The following PWWP3B variants were observed in gnomAD, a reference collection of about 807,000 sequenced individuals.
PWWP3B encodes the protein PWWP domain-containing DNA repair factor 3B.
A neutral mutation model predicts 15.7 loss-of-function variants in PWWP3B; 5 were observed. That is an observed-to-expected ratio of 0.32 (90% CI 0.17 to 0.67). The LOEUF (loss-of-function observed/expected upper bound fraction) is 0.67, where lower values mean the gene tolerates loss of function less well. Ranked by LOEUF, PWWP3B falls within the 30% of genes least tolerant of loss-of-function variation. The pLI is 0.74. For synonymous variants in PWWP3B, 203 were observed against 179.8 expected (o/e 1.13, Z -1.03); for missense variants, 519 against 493.1 (o/e 1.05, Z -0.50).
chrX:106,182,901 A>T (rs1922292300), intron 2 of PWWP3B, among the ~76,000 whole-genome samples: 2 of 111,452 alleles, frequency 1.8e-5, no homozygotes, highest in African/African-American at 6.5e-5. Context: ...TTTCCTCAGG[A>T]TCAGCAGGAG....
At chrX:106,193,936 TG>T (rs1164876193) in intron 2 of PWWP3B, among the ~76,000 whole-genome samples, 1 of 112,251 alleles carries the variant, frequency 8.9e-6, no homozygotes, top group Non-Finnish European at 1.9e-5. Context: ...CTTCCCTTTG[TG>T]GGTAACCTCA....
chrX:106,190,173 G>A (rs911033126), intron 2 of PWWP3B, among the ~76,000 whole-genome samples: 1 of 111,424 alleles, frequency 9.0e-6, no homozygotes, highest in African/African-American at 3.3e-5. Flanking sequence ...GTGTAAAAGT[G>A]TTCCTATTTC....
chrX:106,181,214 G>A (rs920869824), intron 2 of PWWP3B, among the ~76,000 whole-genome samples: 2 of 111,903 alleles, frequency 1.8e-5, no homozygotes, highest in Non-Finnish European at 3.8e-5. Context: ...AGAGTGAGCA[G>A]CAGCAAGACT....
intron 2 of PWWP3B, among the ~76,000 whole-genome samples, chrX:106,181,720 C>T (rs1202044191): frequency 9.0e-6 from 1 of 111,433 alleles, no homozygotes; most frequent in East Asian, 2.8e-4. Context: ...GTTGTAGTGT[C>T]CTCCAGAGGG....
chrX:106,206,453 C>T lies in PWWP3B; in HGVS notation c.1021C>T (p.Gln341Ter). The change falls in exon 4 of 4, where the codon CAG becomes TAG. Residue 341 changes from glutamine to a stop codon, truncating the protein, a stop_gained. Transcript: ENST00000357175. LOFTEE classifies it high-confidence loss of function. The part of the protein sequence containing the change: ...SHLMSSERNF[Q>*]RLDFEELEEE... The stretch of plus-strand genomic sequence containing the variant: ...TCTTATGAGTAGTGAAAGAAATTTT[C>T]AGAGACTGGATTTTGAAGAACTTGA... 1.7e-6 allele frequency: 2 copies of T among 1,209,614 alleles called. No homozygotes were observed. Among genetic ancestry groups the T allele is most frequent in the Non-Finnish European group, 2.2e-6 (2 of 894,430 alleles).
At chrX:106,176,704 C>T (rs1921918865) in intron 2 of PWWP3B, among the ~76,000 whole-genome samples, 1 of 110,654 alleles carries the variant, frequency 9.0e-6, no homozygotes, top group African/African-American at 3.3e-5. Context: ...TTTTTGTTTC[C>T]AATTTCAGGA....
intron 2 of PWWP3B, among the ~76,000 whole-genome samples, chrX:106,197,046 G>A: frequency 8.9e-6 from 1 of 111,743 alleles, no homozygotes; most frequent in Non-Finnish European, 1.9e-5. Context: ...TGGTGAGGTA[G>A]GAAGTACTGT....
At chrX:106,181,284 C>G (rs1421700324) in intron 2 of PWWP3B, among the ~76,000 whole-genome samples, 1 of 111,561 alleles carries the variant, frequency 9.0e-6, no homozygotes, top group Non-Finnish European at 1.9e-5. Context: ...GAGTGGGTTG[C>G]CACTGCTGGC....
chrX:106,206,012 G>A lies in PWWP3B; in HGVS notation c.580G>A (p.Glu194Lys), dbSNP rs369679742. The A allele has an allele frequency of 2.2e-5, 26 of 1,208,792 alleles. No individual in the cohort carries two copies. Among genetic ancestry groups the A allele is most frequent in the East Asian group, 3.0e-5 (1 of 33,807 alleles). ...GTCATTACAAAACTCTAGCTGGTGC[G>A]AGACTTTCCCTTCACTTTCGGAAGA... ...TKSLQNSSWC[E>K]TFPSLSEDND... The change falls in exon 4 of 4, where the codon GAG becomes AAG. Residue 194 changes from glutamate (E) to lysine (K), a missense_variant. By Grantham distance (56) the Glu-to-Lys change is moderately conservative. Transcript: ENST00000357175.
At chrX:106,193,368 C>T (rs1358883237) in intron 2 of PWWP3B, among the ~76,000 whole-genome samples, 2 of 111,133 alleles carry the variant, frequency 1.8e-5, no homozygotes, top group Non-Finnish European at 3.8e-5. Context: ...CAATCCCTGC[C>T]TTTTTTTGTT....
intron 2 of PWWP3B, among the ~76,000 whole-genome samples, chrX:106,175,595 T>C (rs1207667627): frequency 9.0e-6 from 1 of 110,919 alleles, no homozygotes; most frequent in Non-Finnish European, 1.9e-5. Context: ...CGACATCATC[T>C]TTGGTTCTAC....
intron 1 of PWWP3B, among the ~76,000 whole-genome samples, chrX:106,169,778 C>T (rs959765170): frequency 5.4e-5 from 6 of 112,127 alleles, no homozygotes; most frequent in South Asian, 7.3e-4. Flanking sequence ...ACTCTAAATG[C>T]AATGATTAGA....
At chrX:106,202,498 T>G (rs1233367519) in intron 2 of PWWP3B, among the ~76,000 whole-genome samples, 1 of 111,532 alleles carries the variant, frequency 9.0e-6, no homozygotes, top group Non-Finnish European at 1.9e-5. Flanking sequence ...ATCCCCCCTG[T>G]CTTCTGCCAA....
At chrX:106,180,274 ACGTATATT>A (rs1922119907) in intron 2 of PWWP3B, among the ~76,000 whole-genome samples, 1 of 111,414 alleles carries the variant, frequency 9.0e-6, no homozygotes. Context: ...TCTCATACAC[ACGTATATT>A]CATTCCTTAG....
Position 106,207,179 on chromosome X carries a change from C to T in PWWP3B, c.1747C>T (p.Leu583=). 1 of 1,207,055 alleles carries T rather than the reference C, an allele frequency of 8.3e-7. No individual in the cohort carries two copies. The highest frequency in any genetic ancestry group is 1.1e-6 in the Non-Finnish European group (1 of 892,844). ...IVNGTKGSRW[L]KSFLNANRFT... ...AAATGGCACAAAAGGATCCAGATGG[C>T]TGAAATCATTTTTGAATGCAAATAG... The change falls in exon 4 of 4, where the codon CTG becomes TTG. Residue 583 remains leucine (L), a synonymous_variant. Transcript: ENST00000357175.
chrX:106,204,463 G>A (rs1602872736), intron 3 of PWWP3B, among the ~76,000 whole-genome samples: 2 of 111,988 alleles, frequency 1.8e-5, no homozygotes, highest in Admixed American at 1.9e-4. Context: ...GTCTCCCTGA[G>A]GTTCAGGCCA....
chrX:106,206,576 A>C lies in PWWP3B; in HGVS notation c.1144A>C (p.Ile382Leu), dbSNP rs190868344. Residue 382 changes from isoleucine (I) to leucine (L), a missense_variant, in exon 4 of 4, where the codon ATT becomes CTT. By Grantham distance (5) the Ile-to-Leu change is conservative (BLOSUM62 2). Coordinates refer to ENST00000357175, the MANE Select transcript of PWWP3B (RefSeq NM_001171020.2). ...GGAAGACGAAGAACTTCCACGCTTC[A>C]TTTTACATTATGAGACACATCCGTT... ...DEEDEELPRF[I>L]LHYETHPFET... The C allele has an allele frequency of 2.5e-6, 3 of 1,208,006 alleles. No homozygotes were observed. Among genetic ancestry groups the C allele is most frequent in the African/African-American group, 3.5e-5 (2 of 57,166 alleles).
Position 106,181,116 on chromosome X carries a change from G to A in PWWP3B, c.-401+9977G>A, listed in dbSNP as rs776934555. 5.4e-5 allele frequency among the ~76,000 whole-genome samples: 6 copies of A among 112,049 alleles called. No individual in the cohort carries two copies. The South Asian group carries it at 1.9e-3, about 35-fold the overall frequency. Reference sequence around the variant, plus strand: ...GGTGTGTCCAGAGTTGGTTCCTTCCGATGGGTTCTTGGTCTCGCTGACTTC... The same window carrying A: ...GGTGTGTCCAGAGTTGGTTCCTTCCAATGGGTTCTTGGTCTCGCTGACTTC... On this transcript the variant is annotated intron_variant, in intron 2 of 3. Transcript: ENST00000357175.
intron 2 of PWWP3B, among the ~76,000 whole-genome samples, chrX:106,202,808 A>G (rs1030503617): frequency 1.8e-5 from 2 of 112,454 alleles, no homozygotes; most frequent in African/African-American, 6.5e-5. Flanking sequence ...AGAACATACT[A>G]TATGTTCTCA....
Sources: allele counts gnomAD v4.1 joint callset (sites outside exome capture counted in the v4.1 genomes callset), GRCh38; gene constraint gnomAD v4.1.1; transcripts MANE v1.5; gene names NCBI Gene and HGNC (gene_info 2026-07-23, HGNC 2026-07-21).